GK: variants seen among roughly 807,000 people sequenced by gnomAD.
GK encodes the protein ATP:glycerol 3-phosphotransferase.
Under a neutral mutation model 56.4 loss-of-function variants are expected in GK, and 9 were observed. That is an observed-to-expected ratio of 0.16 (90% CI 0.10 to 0.28). GK has a LOEUF of 0.28. GK is among the 10% of genes least tolerant of loss of function. The probability of loss-of-function intolerance (pLI) is 1.00; values close to 1 mark genes in which losing one functional copy is unlikely to be tolerated. For missense variants in GK, 161 were observed against 431.4 expected, an observed-to-expected ratio of 0.37 and a Z score of 5.55; for synonymous variants, 104 against 144.1, an observed-to-expected ratio of 0.72 and a Z score of 1.99.
intron 19 of GK, among the ~76,000 whole-genome samples, chrX:30,726,286 A>ATTTTTTTT (rs771679752): frequency 1.1e-5 from 1 of 91,897 alleles, no homozygotes; most frequent in Non-Finnish European, 2.2e-5. Context: ...AGCCAGTTTG[A>ATTTTTTTT]TTTTTTTTTT....
At chrX:30,680,558 G>C (rs776170443) in intron 4 of GK, among the ~76,000 whole-genome samples, 14 of 112,038 alleles carry the variant, frequency 1.2e-4, no homozygotes, top group Middle Eastern at 4.6e-3. Flanking sequence ...GGAATGGGTT[G>C]TTTCAAACAC....
intron 9 of GK, chrX:30,700,181 C>T: frequency 2.7e-6 from 1 of 372,015 alleles, no homozygotes. Context: ...CCCTCATTTA[C>T]TGGCTCCCAG....
chrX:30,705,276 T>C (rs1935937135), intron 11 of GK, among the ~76,000 whole-genome samples: 1 of 112,725 alleles, frequency 8.9e-6, no homozygotes, highest in African/African-American at 3.2e-5. Context: ...AAAGCCCATC[T>C]CTGTTTCAGA....
At chrX:30,675,198 ATT>A (rs769468628) in intron 3 of GK, among the ~76,000 whole-genome samples, 15 of 100,958 alleles carry the variant, frequency 1.5e-4, no homozygotes, top group African/African-American at 4.3e-4. Flanking sequence ...ACAAAAAATG[ATT>A]TTTTTTTTTT....
intron 4 of GK, chrX:30,687,616 G>A (rs12843247): frequency 5.8e-6 from 2 of 341,927 alleles, no homozygotes; most frequent in South Asian, 5.2e-5. Flanking sequence ...TACTTCCTCA[G>A]GTATTGGTGC....
chrX:30,728,982 A>C lies in GK; in HGVS notation c.*240A>C, dbSNP rs999391729. On this transcript the variant is annotated 3_prime_UTR_variant, in exon 21 of 21. Coordinates refer to ENST00000427190, the MANE Select transcript of GK (RefSeq NM_001205019.2). Reference sequence around the variant, plus strand: ...AAACATCCACAGTTAAGGTTGGGCCAGCTACCTTTGGGGCTGACCCCCTCC... The same window carrying C: ...AAACATCCACAGTTAAGGTTGGGCCCGCTACCTTTGGGGCTGACCCCCTCC... 9 of 388,732 alleles carry C rather than the reference A, an allele frequency of 2.3e-5. No homozygotes were observed. In the East Asian group the frequency reaches 3.7e-4, roughly 16 times the overall value. 32.0% of individuals were successfully genotyped at this position (388,732 alleles called of 1,213,427 possible). A position where few individuals can be genotyped will look rare whatever the true frequency, so the allele number is the denominator to read the frequency against.
At chrX:30,664,691 G>A (rs1448230950) in intron 1 of GK, among the ~76,000 whole-genome samples, 2 of 99,849 alleles carry the variant, frequency 2.0e-5, no homozygotes, top group African/African-American at 7.2e-5. Context: ...TACTAACAAG[G>A]ACTCTATTGC....
intron 1 of GK, 77 bp from the exon 2 acceptor site, chrX:30,665,434 C>T: frequency 1.6e-6 from 1 of 615,673 alleles, no homozygotes. Context: ...TGAACAAGAA[C>T]TTCAGTTACT....
chrX:30,701,334 G>A (rs778985931), intron 11 of GK, among the ~76,000 whole-genome samples: 8 of 112,098 alleles, frequency 7.1e-5, no homozygotes, highest in Non-Finnish European at 1.5e-4. Context: ...GCTTGAACCC[G>A]GGAGGTGGAG....
rs746512192 is a variant in GK at position 30,660,514 on chromosome X, C to CA, written c.79-4996dup. 1.7e-3 allele frequency among the ~76,000 whole-genome samples: 194 copies of CA among 111,161 alleles called. 1 individual carries two copies. The highest frequency in any genetic ancestry group is 5.9e-3 in the African/African-American group (182 of 30,619). On this transcript the variant is annotated intron_variant, in intron 1 of 20. Coordinates refer to ENST00000427190, the MANE Select transcript of GK (RefSeq NM_001205019.2). ...ATAAAAGTAATTATAAAATTAGTAG[C>CA]AGTAGTAGCAACAATGATAGTGTTG...
chrX:30,684,666 CAAAAAAAAAAA>C (rs60771873), intron 4 of GK, among the ~76,000 whole-genome samples: 16 of 32,403 alleles, frequency 4.9e-4, no homozygotes, highest in African/African-American at 1.8e-3. Flanking sequence ...AACTCCATCT[CAAAAAAAAAAA>C]AAAAAAAAAA....
chrX:30,710,385 G>A lies in GK; in HGVS notation c.975+2251G>A, dbSNP rs141342451. On this transcript the variant is annotated intron_variant, in intron 13 of 20. Transcript: ENST00000427190. Reference sequence around the variant, plus strand: ...TCAGCAACAACAACAACACACATACGCATACTAATATGTTAACGGTGTAGT... The same window carrying A: ...TCAGCAACAACAACAACACACATACACATACTAATATGTTAACGGTGTAGT... Among the ~76,000 whole-genome samples the A allele has an allele frequency of 6.0e-3, 666 of 111,442 alleles. 4 individuals carry two copies. The highest frequency in any genetic ancestry group is 0.021 in the African/African-American group (633 of 30,644).
intron 4 of GK, among the ~76,000 whole-genome samples, chrX:30,680,398 A>G (rs1934212365): frequency 1.8e-5 from 2 of 112,065 alleles, no homozygotes; most frequent in Admixed American, 9.5e-5. Flanking sequence ...ACACTCTCCA[A>G]CCTTAAAGCT....
intron 4 of GK, among the ~76,000 whole-genome samples, chrX:30,677,695 C>T (rs867523254): frequency 9.2e-6 from 1 of 108,915 alleles, no homozygotes; most frequent in Non-Finnish European, 1.9e-5. Context: ...TGTGGTGGCA[C>T]ACACCTATAG....
chrX:30,666,537 G>C (rs189861991), intron 2 of GK, among the ~76,000 whole-genome samples: 1 of 111,642 alleles, frequency 9.0e-6, no homozygotes, highest in Admixed American at 9.6e-5. Flanking sequence ...ATCTTGACTG[G>C]GGTGTTGGTT....
chrX:30,672,197 C>A (rs900953672), intron 3 of GK: 5 of 97,319 alleles, frequency 5.1e-5, no homozygotes, highest in Non-Finnish European at 6.0e-5. Flanking sequence ...GTTACATATT[C>A]ATTCATGTGA....
chrX:30,675,177 G>A (rs1333609968), intron 3 of GK, among the ~76,000 whole-genome samples: 6 of 110,533 alleles, frequency 5.4e-5, no homozygotes, highest in Non-Finnish European at 1.1e-4. Flanking sequence ...AGATCGGGAG[G>A]TGGAAGCTAC....
intron 4 of GK, among the ~76,000 whole-genome samples, chrX:30,678,604 A>G (rs1934070563): frequency 1.8e-5 from 2 of 110,645 alleles, no homozygotes; most frequent in African/African-American, 6.6e-5. Flanking sequence ...ATGATAAAAA[A>G]TTAAATTCTC....
rs1339391657 is a variant in GK at position 30,695,133 on chromosome X, G to GT, written c.552+597dup. The GT allele has an allele frequency of 1.0e-5, 7 of 702,477 alleles. 1 individual carries two copies. Among genetic ancestry groups the GT allele is most frequent in the Non-Finnish European group, 1.4e-5 (7 of 512,946 alleles). 57.9% of individuals were successfully genotyped at this position (702,477 alleles called of 1,213,427 possible). A position where few individuals can be genotyped will look rare whatever the true frequency, so the allele number is the denominator to read the frequency against. On this transcript the variant is annotated intron_variant, in intron 6 of 20. Coordinates refer to ENST00000427190, the MANE Select transcript of GK (RefSeq NM_001205019.2). ...TTTCATTTTATTTGTAAATATTTCA[G>GT]TAAGTATGTAATGATCTTTTTTAAC...
Sources: gnomAD v4.1 joint callset for allele counts (sites outside exome capture counted in the v4.1 genomes callset) on GRCh38, gnomAD v4.1.1 for gene constraint, MANE v1.5 for transcripts, NCBI Gene and HGNC (gene_info 2026-07-23, HGNC 2026-07-21) for gene names.